The following SNRNP35 variants were observed in gnomAD, a reference collection of about 807,000 sequenced individuals.
The protein encoded by SNRNP35 is U11/U12 small nuclear ribonucleoprotein 35 kDa protein.
In SNRNP35, 16 loss-of-function variants were observed where a neutral mutation model predicts 24.3. That is an observed-to-expected ratio of 0.66 (90% CI 0.45 to 1.00). SNRNP35 has a LOEUF of 1.00. Among genes scored for constraint, SNRNP35 ranks in the 50% least tolerant of loss-of-function variants. The pLI is 0.00. For synonymous variants in SNRNP35, 106 were observed against 124.8 expected (o/e 0.85, Z 1.00); for missense variants, 292 against 327.2 (o/e 0.89, Z 0.83).
chr12:123,458,991 C>G (rs901312938), intron 1 of SNRNP35: 1 of 152,146 alleles, frequency 6.6e-6, no homozygotes, highest in African/African-American at 2.4e-5. Context: ...GGCTGGAGAG[C>G]GGTGGCGCGA....
downstream of SNRNP35, among the ~76,000 whole-genome samples, chr12:123,468,174 C>A (rs1008493225): frequency 6.6e-6 from 1 of 150,684 alleles, no homozygotes; most frequent in Non-Finnish European, 1.5e-5. Flanking sequence ...TCCTGGCCAA[C>A]ATGGTAAAGC....
At chr12:123,464,666 G>T (rs1391115155) in intron 1 of SNRNP35, 1 of 152,204 alleles carries the variant, frequency 6.6e-6, no homozygotes, top group Non-Finnish European at 1.5e-5. Flanking sequence ...AGATTCACAT[G>T]AATTAACTAT....
chr12:123,459,990 T>A, intron 1 of SNRNP35: 3 of 896,076 alleles, frequency 3.3e-6, no homozygotes, highest in Non-Finnish European at 3.6e-6. Context: ...TTTGAAGAAG[T>A]CTTAAAGTTT....
Position 123,466,188 on chromosome 12 carries a change from G to A in SNRNP35, c.648G>A (p.Pro216=), listed in dbSNP as rs773963534. Residue 216 remains proline, a synonymous_variant, in exon 2 of 2, where the codon CCG becomes CCA. Transcript: ENST00000526639. ...GREKRWQERE[P]TRVWPDNDWE... ...AGAAGAGATGGCAAGAAAGAGAGCC[G>A]ACCAGGGTGTGGCCCGACAATGACT... 5.0e-6 allele frequency: 8 copies of A among 1,599,846 alleles called. No homozygotes were observed. Among genetic ancestry groups the A allele is most frequent in the Admixed American group, 1.8e-5 (1 of 57,042 alleles).
At chr12:123,463,051 C>T (rs1880722038) in intron 1 of SNRNP35, among the ~76,000 whole-genome samples, 1 of 151,896 alleles carries the variant, frequency 6.6e-6, no homozygotes, top group South Asian at 2.1e-4. Context: ...TTCACAGAAA[C>T]CTGGTTTTTT....
chr12:123,472,999 G>GA (rs1202674749), exon 2 of SNRNP35: 1 of 264,606 alleles, frequency 3.8e-6, no homozygotes, highest in African/African-American at 2.1e-5. Flanking sequence ...AAAAGCTGCT[G>GA]AAACAAATCT....
At chr12:123,467,043 T>A (rs887211870), downstream of SNRNP35, 3 of 152,212 alleles carry the variant, frequency 2.0e-5, no homozygotes, top group African/African-American at 7.2e-5. Flanking sequence ...CAAAAAGAGG[T>A]TATGACCTAA....
Position 123,466,270 on chromosome 12 carries a change from A to G in SNRNP35, c.730A>G (p.Arg244Gly). The G allele has an allele frequency of 6.6e-7, 1 of 1,519,316 alleles. No individual in the cohort carries two copies. The highest frequency in any genetic ancestry group is 8.8e-7 in the Non-Finnish European group (1 of 1,136,404). The allele number at this position is 1,519,316 out of a possible 1,614,324, so 94.1% of individuals were successfully genotyped here. ...GATCAAGGGGAGGGAGAAGAAGGAA[A>G]GAGGCAAGTAGAGGCCCAACAGCAG... ...DRIKGREKKERGK is the reference protein window; with the variant it reads ...DRIKGREKKEGGK The change falls in exon 2 of 2, where the codon AGA becomes GGA. Residue 244 changes from arginine (R) to glycine (G), a missense_variant. Arg to Gly is a moderately radical substitution (Grantham distance 125). Transcript: ENST00000526639.
exon 2 of SNRNP35, chr12:123,472,398 TCAGA>T (rs1881247566): frequency 1.2e-6 from 1 of 841,294 alleles, no homozygotes. Context: ...CATCCTCAAA[TCAGA>T]CAGTCTGTTT....
chr12:123,467,443 C>T (rs1251529073), downstream of SNRNP35, among the ~76,000 whole-genome samples: 2 of 152,178 alleles, frequency 1.3e-5, no homozygotes, highest in African/African-American at 2.4e-5. Context: ...GAAAGAATTA[C>T]AGCTAGTTCT....
chr12:123,472,595 G>A, exon 2 of SNRNP35: 2 of 1,568,024 alleles, frequency 1.3e-6, no homozygotes, highest in Non-Finnish European at 1.7e-6. Flanking sequence ...CGCGGTGGGT[G>A]TTTGCCCACT....
In SNRNP35 at chr12:123,463,636, G is replaced by A. The variant is rs901472452; in HGVS notation, c.-3-1902G>A. Among the ~76,000 whole-genome samples the A allele has an allele frequency of 7.2e-5, 11 of 152,076 alleles. No homozygotes were observed. The Middle Eastern group carries it at 0.01, about 142-fold the overall frequency. On this transcript the variant is annotated intron_variant, in intron 1 of 1. Transcript: ENST00000526639. ...AGACTGGTCTTGAACTCCTGACCTC[G>A]TGATCTGCCCACCTTGGCCTCCCAA...
At position 123,466,213 on chromosome 12, in the gene SNRNP35, T is replaced by G. The variant is rs1240181987; in HGVS notation, c.673T>G (p.Trp225Gly). ...EPTRVWPDND[W>G]ERERDFRDDR... ...GACCAGGGTGTGGCCCGACAATGACTGGGAGAGAGAGAGGGACTTCAGAGA... is the reference window on the plus strand; with the variant it reads ...GACCAGGGTGTGGCCCGACAATGACGGGGAGAGAGAGAGGGACTTCAGAGA... The change falls in exon 2 of 2, where the codon TGG (tryptophan) becomes GGG (glycine). Residue 225 changes from tryptophan to glycine, a missense_variant. By Grantham distance (184) the Trp-to-Gly change is radical. Transcript: ENST00000526639. 1.3e-5 allele frequency: 21 copies of G among 1,567,006 alleles called. No homozygotes were observed. Among genetic ancestry groups the G allele is most frequent in the Non-Finnish European group, 1.8e-5 (21 of 1,160,906 alleles).
rs1462374646 is a variant in SNRNP35, at chr12:123,466,147, C to T, written c.607C>T (p.His203Tyr). The T allele has an allele frequency of 6.2e-7, 1 of 1,610,702 alleles. No individual in the cohort carries two copies. Among genetic ancestry groups the T allele is most frequent in the Admixed American group, 1.7e-5 (1 of 59,108 alleles). The part of the protein sequence containing the change: ...HWDSRTRDRD[H>Y]DRGREKRWQE... The stretch of plus-strand genomic sequence containing the variant: ...GGACTCGAGGACAAGGGATCGAGAC[C>T]ATGACAGGGGCCGGGAGAAGAGATG... Residue 203 changes from histidine to tyrosine, a missense_variant, in exon 2 of 2, where the codon CAT (histidine) becomes TAT (tyrosine). Transcript: ENST00000526639.
chr12:123,472,488 C>T (rs1164001636), exon 2 of SNRNP35: 8 of 1,546,386 alleles, frequency 5.2e-6, no homozygotes, highest in Non-Finnish European at 7.0e-6. Flanking sequence ...AGTTCGGTTG[C>T]AGGCGCTGGT....
chr12:123,462,580 C>T (rs933769182), intron 1 of SNRNP35, among the ~76,000 whole-genome samples: 18 of 149,966 alleles, frequency 1.2e-4, no homozygotes, highest in Admixed American at 5.4e-4. Context: ...GTTCTCGGCT[C>T]ACTGCAACCT....
In SNRNP35 at chr12:123,466,005, T is replaced by C. The variant is rs1880954958; in HGVS notation, c.465T>C (p.Phe155=). ...AAAAGGAGTCTGGGCAACTGAGATT[T>C]GGGGGACGGGACCGGCCTTTTCGAA... is the stretch of plus-strand genomic sequence containing the variant. ...GGKKESGQLR[F]GGRDRPFRKP... Residue 155 remains phenylalanine, a synonymous_variant, in exon 2 of 2, where the codon TTT becomes TTC. Transcript: ENST00000526639. The C allele has an allele frequency of 6.2e-7, 1 of 1,613,864 alleles. No individual in the cohort carries two copies. The highest frequency in any genetic ancestry group is 1.1e-5 in the South Asian group (1 of 91,072).
Position 123,466,161 on chromosome 12 carries a change from G to A in SNRNP35, c.621G>A (p.Arg207=). 1 of 1,608,170 alleles carries A rather than the reference G, an allele frequency of 6.2e-7. No individual in the cohort carries two copies. Residue 207 remains arginine (R), a synonymous_variant, in exon 2 of 2, where the codon CGG becomes CGA. Coordinates refer to ENST00000526639, the MANE Select transcript of SNRNP35 (RefSeq NM_022717.4). ...GGGATCGAGACCATGACAGGGGCCG[G>A]GAGAAGAGATGGCAAGAAAGAGAGC... The part of the protein sequence containing the change: ...RTRDRDHDRG[R]EKRWQEREPT...
At chr12:123,467,751 G>A (rs1881031533), downstream of SNRNP35, among the ~76,000 whole-genome samples, 1 of 152,182 alleles carries the variant, frequency 6.6e-6, no homozygotes, top group African/African-American at 2.4e-5. Context: ...TAAAATTGCT[G>A]TCAGCTGTTA....
Sources: gnomAD v4.1 joint callset for allele counts (sites outside exome capture counted in the v4.1 genomes callset) on GRCh38, gnomAD v4.1.1 for gene constraint, MANE v1.5 for transcripts, NCBI Gene and HGNC (gene_info 2026-07-23, HGNC 2026-07-21) for gene names.